CACNA1I: variants seen among roughly 807,000 people sequenced by gnomAD.
CACNA1I encodes calcium voltage-gated channel subunit alpha1 I, also known as voltage-dependent T-type calcium channel subunit alpha-1I.
In CACNA1I, 74 loss-of-function variants were observed where a neutral mutation model predicts 201.6. The ratio of observed to expected loss-of-function variants is 0.37; its 90% CI spans 0.30 to 0.45. The LOEUF (loss-of-function observed/expected upper bound fraction) is 0.45, where lower values mean the gene tolerates loss of function less well. CACNA1I is among the 20% of genes least tolerant of loss of function. The pLI is 1.00. For missense variants in CACNA1I, 2,346 were observed against 3,138.1 expected (o/e 0.75, Z 6.03); for synonymous variants, 1,431 against 1,345.2 (o/e 1.06, Z -1.40).
In CACNA1I at chr22:39,659,664, G is replaced by T; in HGVS notation, c.2449-33G>T. 2 of 1,612,394 alleles carry T rather than the reference G, an allele frequency of 1.2e-6. No individual in the cohort carries two copies. Among genetic ancestry groups the T allele is most frequent in the Non-Finnish European group, 1.7e-6 (2 of 1,178,718 alleles). On this transcript the variant is annotated intron_variant, in intron 13 of 36. Transcript: ENST00000402142. The surrounding 1 kb of genome is among the most constrained non-coding windows in gnomAD (Gnocchi z 4.3). The stretch of plus-strand genomic sequence containing the variant: ...TTGTAGAGCCTAGCCCTGGACTAGG[G>T]GTACCCCAGGGCTAACTGTGTCTCC...
chr22:39,659,499 C>T lies in CACNA1I; in HGVS notation c.2397C>T (p.Pro799=), dbSNP rs554942266. ...SLRTDTGDTV[P]DRKNFDSLLW... is the part of the protein sequence containing the mutation. ...GCACGGACACTGGAGACACGGTGCC[C>T]GACAGGAAGAACTTCGACTCCCTGC... Residue 799 remains proline, a synonymous_variant, in exon 13 of 37, where the codon CCC becomes CCT. Coordinates refer to ENST00000402142, the MANE Select transcript of CACNA1I (RefSeq NM_021096.4). The surrounding 1 kb of genome is among the most constrained non-coding windows in gnomAD (Gnocchi z 4.3). 16 of 1,591,656 alleles carry T rather than the reference C, an allele frequency of 1.0e-5. No individual in the cohort carries two copies. The African/African-American group carries it at 1.5e-4, about 15-fold the overall frequency.
rs132569 is a variant in CACNA1I, at chr22:39,579,648, C to CT, written c.236+8675dup. 8.2e-3 allele frequency among the ~76,000 whole-genome samples: 1,159 copies of CT among 142,020 alleles called. 49 individuals carry two copies. The highest frequency in any genetic ancestry group is 0.058 in the Admixed American group (820 of 14,232). The allele number at this position is 142,020 out of a possible 152,430, so 93.2% of individuals were successfully genotyped here. ...GAGTGGTGCAAGGCTCTTTCAAGCT[C>CT]TTTTTTTTTTTTTTTGAGACAGAGT... On this transcript the variant is annotated intron_variant, in intron 1 of 36. Coordinates refer to ENST00000402142, the MANE Select transcript of CACNA1I (RefSeq NM_021096.4).
chr22:39,608,077 T>C (rs1379790723), intron 3 of CACNA1I, among the ~76,000 whole-genome samples: 1 of 135,576 alleles, frequency 7.4e-6, no homozygotes, highest in Non-Finnish European at 1.5e-5. Context: ...ATCGTGCCAC[T>C]GCACTCCAGC....
At chr22:39,638,974 T>C (rs1347691591) in intron 5 of CACNA1I, among the ~76,000 whole-genome samples, 1 of 152,204 alleles carries the variant, frequency 6.6e-6, no homozygotes, top group Non-Finnish European at 1.5e-5. Context: ...CAGGCAGTAA[T>C]GCTCCCTTGC....
intron 1 of CACNA1I, among the ~76,000 whole-genome samples, chr22:39,572,124 A>G (rs965814869): frequency 9.9e-5 from 15 of 152,096 alleles, no homozygotes; most frequent in Admixed American, 7.9e-4. Flanking sequence ...TGGAGGCTGC[A>G]TGAGGGATGG....
At chr22:39,620,065 A>G (rs5757751) in intron 4 of CACNA1I, among the ~76,000 whole-genome samples, 54,049 of 93,798 alleles carry the variant, frequency 0.58, 14,840 homozygotes, top group East Asian at 0.95. Context: ...CCACCCACCC[A>G]TCCACCCACC....
At chr22:39,577,937 C>T (rs775086683) in intron 1 of CACNA1I, among the ~76,000 whole-genome samples, 6 of 152,214 alleles carry the variant, frequency 3.9e-5, no homozygotes, top group Non-Finnish European at 8.8e-5. Flanking sequence ...GCCACAGTGA[C>T]CCCCAGTTGG....
chr22:39,664,871 A>T lies in CACNA1I; in HGVS notation c.3799A>T (p.Ile1267Phe). ...VSLASAGGAK[I>F]LGVLRVLRLL... ...CCTGGCCTCAGCCGGGGGAGCCAAG[A>T]TCTTGGGGGTCCTCCGAGTCTTGCG... is the stretch of plus-strand genomic sequence containing the variant. Residue 1267 changes from isoleucine to phenylalanine, a missense_variant, in exon 21 of 37, where the codon ATC (isoleucine) becomes TTC (phenylalanine). Around this residue, in one of 13 missense-constraint regions of CACNA1I, gnomAD observed 158 missense variants for 231.6 expected, o/e 0.68. Coordinates refer to ENST00000402142, the MANE Select transcript of CACNA1I (RefSeq NM_021096.4). 6.2e-7 allele frequency: 1 copy of T among 1,612,824 alleles called. No homozygotes were observed. The highest frequency in any genetic ancestry group is 8.5e-7 in the Non-Finnish European group (1 of 1,179,772).
chr22:39,629,270 C>T lies in CACNA1I; in HGVS notation c.581-5295C>T, dbSNP rs1050252775. ...CTCCAGACCCCAAGATCTGGCAAAG[C>T]GACTCCATGGGGATGTACCCCGGCC... On this transcript the variant is annotated intron_variant, in intron 4 of 36. Coordinates refer to ENST00000402142, the MANE Select transcript of CACNA1I (RefSeq NM_021096.4). The surrounding 1 kb of genome is among the most constrained non-coding windows in gnomAD (Gnocchi z 4.8). Among the ~76,000 whole-genome samples, 1 of 152,122 alleles carries T rather than the reference C, an allele frequency of 6.6e-6. No homozygotes were observed. Among genetic ancestry groups the T allele is most frequent in the Non-Finnish European group, 1.5e-5 (1 of 68,020 alleles).
At chr22:39,591,017 A>ATT (rs1569050545) in intron 1 of CACNA1I, among the ~76,000 whole-genome samples, 6 of 116,580 alleles carry the variant, frequency 5.1e-5, no homozygotes, top group African/African-American at 1.8e-4. Flanking sequence ...CTAATTAAAA[A>ATT]ATTTTTTTTT....
chr22:39,571,294 G>A (rs1932174854), intron 1 of CACNA1I, among the ~76,000 whole-genome samples: 1 of 152,172 alleles, frequency 6.6e-6, no homozygotes, highest in Admixed American at 6.5e-5. Context: ...GGCTGGGAAT[G>A]CAGATCAGTC....
rs1218874995 is a variant in CACNA1I, at chr22:39,662,358, C to T, written c.3295C>T (p.Pro1099Ser). ...PGHEDCNGRM[P>S]SIAKDVFTKM... The stretch of plus-strand genomic sequence containing the variant: ...GCATGAGGACTGCAATGGCAGGATG[C>T]CCAGCATCGCCAAAGACGTCTTCAC... Residue 1099 changes from proline to serine, a missense_variant, in exon 17 of 37, where the codon CCC becomes TCC. Coordinates refer to ENST00000402142, the MANE Select transcript of CACNA1I (RefSeq NM_021096.4). 2 of 1,484,262 alleles carry T rather than the reference C, an allele frequency of 1.3e-6. No homozygotes were observed. The highest frequency in any genetic ancestry group is 1.8e-6 in the Non-Finnish European group (2 of 1,125,036). The allele number at this position is 1,484,262 out of a possible 1,614,324, so 91.9% of individuals were successfully genotyped here.
Position 39,680,975 on chromosome 22 carries a change from T to G in CACNA1I, c.5587T>G (p.Ser1863Ala), listed in dbSNP as rs1247303387. 6.2e-7 allele frequency: 1 copy of G among 1,611,710 alleles called. No individual in the cohort carries two copies. Among genetic ancestry groups the G allele is most frequent in the African/African-American group, 1.3e-5 (1 of 74,888 alleles). The change falls in exon 34 of 37, where the codon TCC becomes GCC. Residue 1863 changes from serine to alanine, a missense_variant. By Grantham distance (99) the Ser-to-Ala change is moderately conservative. Around this residue, in one of 13 missense-constraint regions of CACNA1I, gnomAD observed 441 missense variants for 555.6 expected, o/e 0.79. Coordinates refer to ENST00000402142, the MANE Select transcript of CACNA1I (RefSeq NM_021096.4). ...TEAFSLNSDRSSSILLGDDLS... is the reference protein window; with the variant it reads ...TEAFSLNSDRASSILLGDDLS... ...GGCCTTCTCCCTGAACTCAGACAGG[T>G]CCTCGTCCATCCTGCTGGGTGACGA... is the stretch of plus-strand genomic sequence containing the variant.
intron 3 of CACNA1I, among the ~76,000 whole-genome samples, chr22:39,606,237 A>C (rs1933216464): frequency 6.6e-6 from 1 of 152,034 alleles, no homozygotes; most frequent in Admixed American, 6.5e-5. Flanking sequence ...TGGCCTGGGG[A>C]GTGGCCATGC....
intron 4 of CACNA1I, among the ~76,000 whole-genome samples, chr22:39,620,162 C>CCCAT (rs140908158): frequency 0.46 from 56,953 of 123,798 alleles, 14,022 homozygotes; most frequent in East Asian, 0.85. Context: ...CATCCACCCA[C>CCCAT]CCATCCATCC....
intron 10 of CACNA1I, chr22:39,656,547 A>G (rs1934829799): frequency 2.0e-6 from 1 of 511,884 alleles, no homozygotes; most frequent in African/African-American, 1.9e-5. Flanking sequence ...GAGCTTCTCA[A>G]AGGCAGGGAC....
At chr22:39,617,414 C>A (rs925622588) in intron 3 of CACNA1I, among the ~76,000 whole-genome samples, 1 of 152,088 alleles carries the variant, frequency 6.6e-6, no homozygotes, top group African/African-American at 2.4e-5. Flanking sequence ...TGACTCCCCC[C>A]ACCCCGCCCC....
intron 18 of CACNA1I, 21 bp from the exon 19 acceptor site, chr22:39,663,697 G>GCCCCCCCCCCCCCCCCC: frequency 3.1e-6 from 5 of 1,592,588 alleles, no homozygotes; most frequent in Non-Finnish European, 4.3e-6. Flanking sequence ...CGCTCAGGCA[G>GCCCCCCCCCCCCCCCCC]CCCCCGCCCA....
intron 1 of CACNA1I, among the ~76,000 whole-genome samples, chr22:39,593,768 T>C (rs1436227890): frequency 6.6e-6 from 1 of 152,220 alleles, no homozygotes; most frequent in East Asian, 1.9e-4. Flanking sequence ...AGGTTTTGTG[T>C]CTCAGCTCTG....
Sources: gnomAD v4.1 joint callset for allele counts (sites outside exome capture counted in the v4.1 genomes callset) on GRCh38, gnomAD v4.1.1 for gene constraint, gnomAD v4.1.1 regional missense constraint, Gnocchi (gnomAD v3.1) non-coding constraint, MANE v1.5 for transcripts, NCBI Gene and HGNC (gene_info 2026-07-23, HGNC 2026-07-21) for gene names.